Variants in SLC12A6 observed in about 807,000 individuals in gnomAD.
SLC12A6 encodes K-Cl cotransporter 3.
Under a neutral mutation model 135.3 loss-of-function variants are expected in SLC12A6, and 66 were observed. The observed-to-expected ratio is 0.49, with a 90% confidence interval of 0.40 to 0.60. The LOEUF (loss-of-function observed/expected upper bound fraction) is 0.60. SLC12A6 is among the 20% of genes least tolerant of loss of function. SLC12A6 has a pLI of 0.00. For missense variants in SLC12A6, 1,058 were observed against 1,452.3 expected (o/e 0.73, Z 4.41); for synonymous variants, 513 against 508.8 (o/e 1.01, Z -0.11).
intron 2 of SLC12A6, among the ~76,000 whole-genome samples, chr15:34,312,835 T>C (rs941708682): frequency 1.3e-5 from 2 of 152,266 alleles, no homozygotes; most frequent in Non-Finnish European, 2.9e-5. Context: ...TTGGTAATTC[T>C]TACAATATTT....
intron 2 of SLC12A6, among the ~76,000 whole-genome samples, chr15:34,331,235 G>A (rs185621172): frequency 0.012 from 1,798 of 152,138 alleles, 14 homozygotes; most frequent in Middle Eastern, 0.037. Context: ...TGCAACTTCC[G>A]CCTCCCAGGT....
At chr15:34,289,089 T>C (rs536849573) in intron 2 of SLC12A6, among the ~76,000 whole-genome samples, 2 of 152,314 alleles carry the variant, frequency 1.3e-5, no homozygotes, top group East Asian at 3.9e-4. Flanking sequence ...GCTTCCAGTT[T>C]TTGCCCATTC....
intron 16 of SLC12A6, among the ~76,000 whole-genome samples, chr15:34,242,687 C>T (rs1208902693): frequency 6.6e-6 from 1 of 152,054 alleles, no homozygotes; most frequent in African/African-American, 2.4e-5. Context: ...ATAAATATTT[C>T]TAAAAATTTT....
At chr15:34,263,662 A>T (rs1893309890) in intron 3 of SLC12A6, among the ~76,000 whole-genome samples, 1 of 152,176 alleles carries the variant, frequency 6.6e-6, no homozygotes, top group African/African-American at 2.4e-5. Context: ...GAGAAGAGAA[A>T]AAAAAACATA....
chr15:34,272,946 T>C (rs997508825), intron 3 of SLC12A6, among the ~76,000 whole-genome samples: 5 of 152,232 alleles, frequency 3.3e-5, no homozygotes, highest in African/African-American at 9.6e-5. Flanking sequence ...GTTCTTTTCA[T>C]GGTCTGGCAA....
intron 2 of SLC12A6, among the ~76,000 whole-genome samples, chr15:34,315,323 C>A (rs1430615383): frequency 6.6e-6 from 1 of 152,196 alleles, no homozygotes; most frequent in East Asian, 1.9e-4. Context: ...CAGCAGCCCA[C>A]CCTGCAGCAG....
In SLC12A6 at chr15:34,233,782, G is replaced by T. The variant is rs1891076242; in HGVS notation, c.*99C>A. ...TTCAGTATGATGTGTACAGAACACA[G>T]GCTTCTAGTTGAGTGGGAGTGGTAG... On this transcript the variant is annotated 3_prime_UTR_variant, in exon 26 of 26. Coordinates refer to ENST00000354181, the MANE Select transcript of SLC12A6 (RefSeq NM_001365088.1). 5.4e-6 allele frequency: 4 copies of T among 746,098 alleles called. No homozygotes were observed. The South Asian group carries it at 5.7e-5, about 11-fold the overall frequency. The allele number at this position is 746,098 out of a possible 1,614,324, so 46.2% of individuals were successfully genotyped here. A position where few individuals can be genotyped will look rare whatever the true frequency, so the allele number is the denominator to read the frequency against.
chr15:34,318,621 T>C, intron 2 of SLC12A6: 1 of 1,613,776 alleles, frequency 6.2e-7, no homozygotes, highest in East Asian at 2.2e-5. Context: ...TCTTGAGAGA[T>C]CGAAGCCGCT....
At chr15:34,286,240 ATTT>A (rs543479520) in intron 2 of SLC12A6, among the ~76,000 whole-genome samples, 1 of 150,880 alleles carries the variant, frequency 6.6e-6, no homozygotes, top group Non-Finnish European at 1.5e-5. Flanking sequence ...TGCTCAACTA[ATTT>A]TTTTGTATTT....
chr15:34,318,696 A>C, intron 2 of SLC12A6: 1 of 1,613,458 alleles, frequency 6.2e-7, no homozygotes, highest in Non-Finnish European at 8.5e-7. Context: ...GTTAGATAAT[A>C]CTTTGCTCTT....
At position 34,241,345 on chromosome 15, in the gene SLC12A6, AAAAAG is replaced by A. The variant is rs2140665613; in HGVS notation, c.2163-13_2163-9del. The stretch of plus-strand genomic sequence containing the variant: ...CCCCATTCTTTCTCAGCTCTGTGAG[AAAAAG>A]AAAAGAGCAGAGACAAATTTAAACT... On this transcript the variant is annotated splice_polypyrimidine_tract_variant and intron_variant, in intron 17 of 25. Transcript: ENST00000354181. 6.7e-7 allele frequency: 1 copy of A among 1,486,002 alleles called. No individual in the cohort carries two copies. The highest frequency in any genetic ancestry group is 2.3e-5 in the East Asian group (1 of 44,272). The allele number at this position is 1,486,002 out of a possible 1,614,324, so 92.1% of individuals were successfully genotyped here.
At chr15:34,317,618 G>A (rs184380220) in intron 2 of SLC12A6, among the ~76,000 whole-genome samples, 4 of 152,208 alleles carry the variant, frequency 2.6e-5, no homozygotes, top group African/African-American at 4.8e-5. Flanking sequence ...CAAAAGAATC[G>A]CTTGAACTCG....
At chr15:34,293,892 C>G (rs1387984678) in intron 2 of SLC12A6, among the ~76,000 whole-genome samples, 3 of 152,188 alleles carry the variant, frequency 2.0e-5, no homozygotes, top group Non-Finnish European at 4.4e-5. Flanking sequence ...TGTGAACCAC[C>G]ATGCCCAGCC....
chr15:34,301,820 G>A (rs7168707), intron 2 of SLC12A6, among the ~76,000 whole-genome samples: 5,975 of 152,176 alleles, frequency 0.039, 219 homozygotes, highest in African/African-American at 0.099. Flanking sequence ...ACTAATACTG[G>A]GTACTCATCA....
Position 34,231,589 on chromosome 15 carries a change from TTTC to T in SLC12A6, c.*2289_*2291del, listed in dbSNP as rs748613902. On this transcript the variant is annotated 3_prime_UTR_variant, in exon 26 of 26. Transcript: ENST00000354181. The stretch of plus-strand genomic sequence containing the variant: ...CAAAATTACTCAATTTCTTTCTTTC[TTTC>T]TTTTTTTTTTTTTTTGAGATGGAGT... 26 of 104,310 alleles carry T rather than the reference TTTC, an allele frequency of 2.5e-4. No individual in the cohort carries two copies. Among genetic ancestry groups the T allele is most frequent in the African/African-American group, 4.3e-4 (13 of 30,320 alleles). The allele number at this position is 104,310 out of a possible 1,614,324, so 6.5% of individuals were successfully genotyped here.
At chr15:34,282,532 T>C (rs536528911) in intron 2 of SLC12A6, among the ~76,000 whole-genome samples, 1 of 152,158 alleles carries the variant, frequency 6.6e-6, no homozygotes, top group South Asian at 2.1e-4. Flanking sequence ...GCTGGAGGAC[T>C]ACCTGAGGCC....
chr15:34,334,788 A>G (rs1455303252), intron 2 of SLC12A6, among the ~76,000 whole-genome samples: 2 of 152,050 alleles, frequency 1.3e-5, no homozygotes, highest in African/African-American at 4.8e-5. Context: ...CCCCATTTTT[A>G]CCCCTGTAGT....
chr15:34,242,001 G>T (rs1891675986), intron 17 of SLC12A6, 101 bp downstream of exon 17: 2 of 852,788 alleles, frequency 2.3e-6, no homozygotes, highest in Non-Finnish European at 2.0e-6. Flanking sequence ...TTATGAAAAT[G>T]AAGTTACCTG....
At chr15:34,305,603 C>T (rs1368728988) in intron 2 of SLC12A6, among the ~76,000 whole-genome samples, 1 of 151,928 alleles carries the variant, frequency 6.6e-6, no homozygotes, top group African/African-American at 2.4e-5. Context: ...GGTGCTTACA[C>T]TCTAGCAGAG....
Sources: gnomAD v4.1 joint callset for allele counts (sites outside exome capture counted in the v4.1 genomes callset) on GRCh38, gnomAD v4.1.1 for gene constraint, MANE v1.5 for transcripts, NCBI Gene and HGNC (gene_info 2026-07-23, HGNC 2026-07-21) for gene names.